ATF1: variants seen among roughly 807,000 people sequenced by gnomAD.
The protein encoded by ATF1 is activating transcription factor 1, also known as cyclic AMP-dependent transcription factor ATF-1.
Under a neutral mutation model 34.7 loss-of-function variants are expected in ATF1, and 16 were observed. The ratio of observed to expected loss-of-function variants is 0.46; its 90% CI spans 0.31 to 0.70. The LOEUF (loss-of-function observed/expected upper bound fraction) is 0.70, where lower values mean the gene tolerates loss of function less well. Ranked by LOEUF, ATF1 falls within the 30% of genes least tolerant of loss-of-function variation. ATF1 has a pLI of 0.05. For synonymous variants in ATF1, 105 were observed against 113.1 expected (o/e 0.93, Z 0.46); for missense variants, 255 against 321.6 (o/e 0.79, Z 1.58).
Position 50,814,448 on chromosome 12 carries a change from T to C in ATF1, c.671+9T>C. The C allele has an allele frequency of 6.2e-7, 1 of 1,612,476 alleles. No homozygotes were observed. On this transcript the variant is annotated intron_variant, in intron 6 of 6. Coordinates refer to ENST00000262053, the MANE Select transcript of ATF1 (RefSeq NM_005171.5). ...AGGTTAATGAAAAACAGGTAGGTAGTAAAATCGTAGTACCAGAATGGGTAA... is the reference window on the plus strand; with the variant it reads ...AGGTTAATGAAAAACAGGTAGGTAGCAAAATCGTAGTACCAGAATGGGTAA...
chr12:50,816,427 A>G (rs555406058), intron 6 of ATF1, among the ~76,000 whole-genome samples: 1 of 152,262 alleles, frequency 6.6e-6, no homozygotes, highest in Non-Finnish European at 1.5e-5. Context: ...AGTAAGATAA[A>G]AGGAATAAAT....
At chr12:50,792,230 T>G (rs142148048) in intron 2 of ATF1, among the ~76,000 whole-genome samples, 23 of 152,356 alleles carry the variant, frequency 1.5e-4, no homozygotes, top group African/African-American at 5.5e-4. Context: ...AGTTAGTTTG[T>G]ACTCTCAATC....
intron 4 of ATF1, among the ~76,000 whole-genome samples, chr12:50,812,601 G>A (rs546332087): frequency 6.6e-6 from 1 of 152,304 alleles, no homozygotes; most frequent in South Asian, 2.1e-4. Flanking sequence ...GGAGGCCAAA[G>A]TGGGAGGATC....
chr12:50,780,233 C>G lies in ATF1; in HGVS notation c.88C>G (p.Gln30Glu), dbSNP rs753935869. Residue 30 changes from glutamine (Q) to glutamate (E), a missense_variant, in exon 2 of 7, where the codon CAA becomes GAA. By Grantham distance (29) the Gln-to-Glu change is conservative. This residue lies in a region of ATF1 where 221 missense variants were observed against 250.7 expected (regional missense o/e 0.88). Coordinates refer to ENST00000262053, the MANE Select transcript of ATF1 (RefSeq NM_005171.5). ...GGGAGCTCACATTTCTCATATTGCT[C>G]AACAGGTAAGGGAGGGACTGGCCAA... ...VQGAHISHIA[Q>E]QVSSLSESEE... is the part of the protein sequence containing the mutation. The G allele has an allele frequency of 1.2e-6, 2 of 1,610,392 alleles. No individual in the cohort carries two copies. The highest frequency in any genetic ancestry group is 2.7e-5 in the African/African-American group (2 of 74,888).
At chr12:50,787,169 C>T (rs184023708) in intron 2 of ATF1, among the ~76,000 whole-genome samples, 26 of 152,298 alleles carry the variant, frequency 1.7e-4, no homozygotes, top group African/African-American at 5.3e-4. Context: ...TTACTTTAGT[C>T]TCTAGTGTCT....
chr12:50,818,539 G>A (rs748720282), intron 6 of ATF1, among the ~76,000 whole-genome samples: 12 of 152,222 alleles, frequency 7.9e-5, no homozygotes, highest in Non-Finnish European at 1.0e-4. Context: ...TTTTAAAGAT[G>A]TGTACTAAAA....
chr12:50,800,824 G>A (rs1021136864), intron 3 of ATF1, among the ~76,000 whole-genome samples: 1 of 152,210 alleles, frequency 6.6e-6, no homozygotes, highest in Non-Finnish European at 1.5e-5. Flanking sequence ...TGATGGCTGG[G>A]CGCGGTGGCT....
At chr12:50,765,917 C>A (rs1940622137) in intron 1 of ATF1, among the ~76,000 whole-genome samples, 1 of 152,164 alleles carries the variant, frequency 6.6e-6, no homozygotes. Context: ...AAAGGGGTAA[C>A]CAGCAGCCCT....
intron 3 of ATF1, among the ~76,000 whole-genome samples, chr12:50,804,207 A>C (rs1941569605): frequency 6.6e-6 from 1 of 152,192 alleles, no homozygotes; most frequent in Non-Finnish European, 1.5e-5. Context: ...AGGATGGTTA[A>C]AGACATACCA....
At chr12:50,779,409 C>T (rs374076240) in intron 1 of ATF1, among the ~76,000 whole-genome samples, 3 of 152,294 alleles carry the variant, frequency 2.0e-5, no homozygotes, top group South Asian at 4.1e-4. Flanking sequence ...CACATCCTTG[C>T]CAACACTTAG....
rs1940913344 is a variant in ATF1, at chr12:50,776,078, C to T, written c.-6-4062C>T. ...CTGTAATGCCAGCACTTTGGGAGGC[C>T]GAGGAGGGCGGATCATGAGGTCAGG... On this transcript the variant is annotated intron_variant, in intron 1 of 6. Coordinates refer to ENST00000262053, the MANE Select transcript of ATF1 (RefSeq NM_005171.5). Among the ~76,000 whole-genome samples, 4 of 151,956 alleles carry T rather than the reference C, an allele frequency of 2.6e-5. No individual in the cohort carries two copies. In the South Asian group the frequency reaches 8.3e-4, roughly 32 times the overall value.
intron 1 of ATF1, chr12:50,764,546 C>G (rs1397730209): frequency 6.6e-6 from 1 of 152,390 alleles, no homozygotes; most frequent in Admixed American, 6.5e-5. Flanking sequence ...CCCTCGCCCC[C>G]AAATAAAAGT....
chr12:50,802,532 A>C (rs1303480173), intron 3 of ATF1, among the ~76,000 whole-genome samples: 1 of 152,108 alleles, frequency 6.6e-6, no homozygotes, highest in Admixed American at 6.6e-5. Flanking sequence ...TCTCAAAAAG[A>C]ATACATATAC....
chr12:50,796,920 T>TA (rs991084651), intron 3 of ATF1, among the ~76,000 whole-genome samples: 8 of 151,956 alleles, frequency 5.3e-5, no homozygotes, highest in African/African-American at 1.9e-4. Context: ...TACGTCAAAC[T>TA]AAAAAACGTG....
chr12:50,782,113 A>G (rs1246345506), intron 2 of ATF1, among the ~76,000 whole-genome samples: 1 of 152,178 alleles, frequency 6.6e-6, no homozygotes, highest in Non-Finnish European at 1.5e-5. Flanking sequence ...AACACTACAC[A>G]TCTTTTCTAA....
intron 4 of ATF1, 34 bp downstream of exon 4, chr12:50,809,623 A>G: frequency 6.4e-7 from 1 of 1,567,788 alleles, no homozygotes; most frequent in Non-Finnish European, 8.7e-7. Context: ...CATTATAAAC[A>G]CACAAAACCT....
At chr12:50,779,849 T>C (rs1941015781) in intron 1 of ATF1, among the ~76,000 whole-genome samples, 1 of 152,198 alleles carries the variant, frequency 6.6e-6, no homozygotes, top group African/African-American at 2.4e-5. Flanking sequence ...ACAGATATGT[T>C]TGTGTCCATA....
rs1940823281 is a variant in ATF1 at position 50,773,261 on chromosome 12, T to C, written c.-6-6879T>C. ...TGTATCTTTATAATAGAATGATTTA[T>C]ATTCCTTTGGGTATATACCAATAAT... is the stretch of plus-strand genomic sequence containing the variant. On this transcript the variant is annotated intron_variant, in intron 1 of 6. Coordinates refer to ENST00000262053, the MANE Select transcript of ATF1 (RefSeq NM_005171.5). 2.0e-5 allele frequency among the ~76,000 whole-genome samples: 3 copies of C among 152,206 alleles called. No homozygotes were observed. In the South Asian group the frequency reaches 6.2e-4, roughly 31 times the overall value.
At chr12:50,770,938 G>C (rs915520374) in intron 1 of ATF1, among the ~76,000 whole-genome samples, 5 of 152,030 alleles carry the variant, frequency 3.3e-5, no homozygotes, top group Admixed American at 3.3e-4. Context: ...GTGGTTGCCT[G>C]GTTCATGAAA....
Sources: gnomAD v4.1 joint callset for allele counts (sites outside exome capture counted in the v4.1 genomes callset) on GRCh38, gnomAD v4.1.1 for gene constraint, gnomAD v4.1.1 regional missense constraint, MANE v1.5 for transcripts, NCBI Gene and HGNC (gene_info 2026-07-23, HGNC 2026-07-21) for gene names.